NT5M: variants seen among roughly 807,000 people sequenced by gnomAD.
NT5M encodes the protein 5'(3')-deoxyribonucleotidase, mitochondrial.
In NT5M, 22 loss-of-function variants were observed where a neutral mutation model predicts 22.2. The observed-to-expected ratio is 0.99, with a 90% CI of 0.71 to 1.41. The LOEUF is 1.41. NT5M is among the 40% of genes most tolerant of loss of function. The pLI, the probability that NT5M is intolerant of heterozygous loss-of-function variation, is 0.00. For synonymous variants in NT5M, 167 were observed against 133.0 expected (o/e 1.26, Z -1.76); for missense variants, 322 against 314.8 (o/e 1.02, Z -0.17).
chr17:17,344,285 C>G (rs573208279), intron 3 of NT5M, among the ~76,000 whole-genome samples: 66 of 152,320 alleles, frequency 4.3e-4, no homozygotes, highest in Non-Finnish European at 6.8e-4. Flanking sequence ...TAGGCCTGTC[C>G]CAGGTGTTAT....
At chr17:17,310,763 CAG>C (rs1298679578) in intron 2 of NT5M, among the ~76,000 whole-genome samples, 4 of 125,304 alleles carry the variant, frequency 3.2e-5, no homozygotes, top group African/African-American at 3.2e-5. Context: ...ACTTGAACCT[CAG>C]GGGGGTGGAG....
Position 17,303,801 on chromosome 17 carries a change from T to G in NT5M, c.251T>G (p.Leu84Arg). 6.5e-7 allele frequency: 1 copy of G among 1,539,542 alleles called. No individual in the cohort carries two copies. Among genetic ancestry groups the G allele is most frequent in the South Asian group, 1.2e-5 (1 of 83,774 alleles). ...GFWVSEQYGR[L>R]RPGLSEKAIS... ...TGGGTGTCGGAGCAGTACGGCCGCC[T>G]GCGGCCAGGGCTGAGCGTGAGCGTC... The change falls in exon 1 of 5, where the codon CTG (leucine) becomes CGG (arginine). Residue 84 changes from leucine (L) to arginine (R), a missense_variant. By Grantham distance (102) the Leu-to-Arg change is moderately radical. Transcript: ENST00000389022.
intron 2 of NT5M, among the ~76,000 whole-genome samples, chr17:17,321,103 C>T (rs967953267): frequency 1.3e-5 from 2 of 151,878 alleles, no homozygotes; most frequent in East Asian, 1.9e-4. Context: ...ATATCTAAGG[C>T]GGGAGGTGCC....
intron 3 of NT5M, among the ~76,000 whole-genome samples, chr17:17,336,644 G>A (rs1162174189): frequency 2.7e-5 from 4 of 150,360 alleles, no homozygotes; most frequent in East Asian, 2.0e-4. Flanking sequence ...TCCGCCTCCC[G>A]GGTTCAAGTG....
At chr17:17,315,378 A>G (rs559400458) in intron 2 of NT5M, among the ~76,000 whole-genome samples, 30 of 152,338 alleles carry the variant, frequency 2.0e-4, no homozygotes, top group African/African-American at 6.7e-4. Flanking sequence ...AGCAGGGAAG[A>G]TGACAACATA....
chr17:17,305,094 G>A (rs1026636824), intron 1 of NT5M, among the ~76,000 whole-genome samples: 1 of 152,096 alleles, frequency 6.6e-6, no homozygotes, highest in Non-Finnish European at 1.5e-5. Context: ...TATAGGCAGC[G>A]CTCGGCATGG....
At chr17:17,326,397 C>G (rs559850997) in intron 3 of NT5M, among the ~76,000 whole-genome samples, 11 of 152,124 alleles carry the variant, frequency 7.2e-5, no homozygotes, top group African/African-American at 2.7e-4. Flanking sequence ...ATTTGGAAAC[C>G]GCGCATATTT....
At position 17,312,627 on chromosome 17, in the gene NT5M, A is replaced by G. The variant is rs367586344; in HGVS notation, c.368+5984A>G. ...CCATTGTACTCCAGCCTGGGCAACA[A>G]GAGTGAAACTCCATCTCAAAAAAAA... On this transcript the variant is annotated intron_variant, in intron 2 of 4. Transcript: ENST00000389022. Among the ~76,000 whole-genome samples, 3 of 138,570 alleles carry G rather than the reference A, an allele frequency of 2.2e-5. No individual in the cohort carries two copies. In the East Asian group the frequency reaches 6.3e-4, roughly 29 times the overall value. The allele number at this position is 138,570 out of a possible 152,430, so 90.9% of individuals were successfully genotyped here.
intron 3 of NT5M, among the ~76,000 whole-genome samples, chr17:17,325,435 A>G (rs1183428576): frequency 1.3e-5 from 2 of 151,930 alleles, no homozygotes; most frequent in African/African-American, 4.8e-5. Context: ...GTCTTCCTCT[A>G]AGCCCTCACT....
intron 3 of NT5M, among the ~76,000 whole-genome samples, chr17:17,338,504 T>G (rs186705094): frequency 2.6e-5 from 4 of 152,190 alleles, no homozygotes; most frequent in African/African-American, 9.6e-5. Flanking sequence ...GGTTCTGTAT[T>G]CTTATCCACT....
chr17:17,320,144 C>G lies in NT5M; in HGVS notation c.369-3041C>G, dbSNP rs547830476. 4.6e-5 allele frequency among the ~76,000 whole-genome samples: 7 copies of G among 152,274 alleles called. No individual in the cohort carries two copies. The East Asian group carries it at 1.4e-3, about 29-fold the overall frequency. On this transcript the variant is annotated intron_variant, in intron 2 of 4. Transcript: ENST00000389022. ...GGCGTGAGCCACCACGCCCAGCCTC[C>G]CACGTATGTCTTTATGTTCAAATTT...
At chr17:17,309,170 G>A (rs9916676) in intron 2 of NT5M, among the ~76,000 whole-genome samples, 3,270 of 148,062 alleles carry the variant, frequency 0.022, 115 homozygotes, top group African/African-American at 0.078. Context: ...ATCTCAAAAA[G>A]GCTGGAGTGC....
chr17:17,332,693 C>G (rs1462652116), intron 3 of NT5M, among the ~76,000 whole-genome samples: 1 of 152,176 alleles, frequency 6.6e-6, no homozygotes, highest in Non-Finnish European at 1.5e-5. Flanking sequence ...GCTGATAAAC[C>G]TAACAGACCC....
intron 3 of NT5M, among the ~76,000 whole-genome samples, chr17:17,330,742 C>CTTTTTTTTTT (rs58633073): frequency 1.7e-5 from 2 of 118,720 alleles, no homozygotes. Context: ...TTCTTTCTTT[C>CTTTTTTTTTT]TTTTTTTTTT....
chr17:17,328,623 C>T (rs2049311312), intron 3 of NT5M, among the ~76,000 whole-genome samples: 1 of 152,136 alleles, frequency 6.6e-6, no homozygotes, highest in South Asian at 2.1e-4. Context: ...AGGCTTAAGC[C>T]CCAGAGCACT....
chr17:17,306,407 T>A, intron 1 of NT5M, 136 bp from the exon 2 acceptor site: 1 of 693,534 alleles, frequency 1.4e-6, no homozygotes, highest in East Asian at 2.5e-5. Flanking sequence ...CCCCAGGAAG[T>A]ACGTCCTTGG....
chr17:17,305,713 T>C (rs1209429836), intron 1 of NT5M, among the ~76,000 whole-genome samples: 1 of 151,990 alleles, frequency 6.6e-6, no homozygotes, highest in African/African-American at 2.4e-5. Context: ...TAGGCTGAGA[T>C]GTGTCTCCCC....
chr17:17,325,752 G>GC (rs1477572015), intron 3 of NT5M, among the ~76,000 whole-genome samples: 1 of 152,124 alleles, frequency 6.6e-6, no homozygotes, highest in East Asian at 1.9e-4. Flanking sequence ...CTCTCTGTGT[G>GC]CTTCTCCAGC....
intron 2 of NT5M, among the ~76,000 whole-genome samples, chr17:17,312,667 T>C (rs2048944744): frequency 7.2e-6 from 1 of 138,112 alleles, no homozygotes; most frequent in South Asian, 2.3e-4. Context: ...AAAAAATGTA[T>C]TCTAGCCTGG....
Sources: allele counts gnomAD v4.1 joint callset (sites outside exome capture counted in the v4.1 genomes callset), GRCh38; gene constraint gnomAD v4.1.1; transcripts MANE v1.5; gene names NCBI Gene and HGNC (gene_info 2026-07-23, HGNC 2026-07-21).